The following NRG3 variants were observed in gnomAD, a reference collection of about 807,000 sequenced individuals.
NRG3 encodes the protein neuregulin 3, also known as pro-neuregulin-3, membrane-bound isoform.
A neutral mutation model predicts 66.9 loss-of-function variants in NRG3; 31 were observed. The observed-to-expected ratio is 0.46, with a 90% confidence interval of 0.35 to 0.63. The LOEUF (loss-of-function observed/expected upper bound fraction) is 0.63. NRG3 is among the 20% of genes least tolerant of loss of function. NRG3 has a pLI of 0.00. For synonymous variants in NRG3, 393 were observed against 359.4 expected, an observed-to-expected ratio of 1.09 and a Z score of -1.06; for missense variants, 910 against 878.9, an observed-to-expected ratio of 1.04 and a Z score of -0.45.
At chr10:82,102,147 T>TGTGTGTATTC (rs1382778888) in intron 1 of NRG3, among the ~76,000 whole-genome samples, 4 of 84,110 alleles carry the variant, frequency 4.8e-5, no homozygotes, top group East Asian at 2.8e-4. Flanking sequence ...TATATATATA[T>TGTGTGTATTC]ATATATATAT....
chr10:82,523,858 GTTTA>G (rs1391873540), intron 2 of NRG3, among the ~76,000 whole-genome samples: 1 of 152,050 alleles, frequency 6.6e-6, no homozygotes. Context: ...TTTAAAATAA[GTTTA>G]TTTATTTTCC....
chr10:82,022,303 A>G (rs2062099860), intron 1 of NRG3, among the ~76,000 whole-genome samples: 1 of 152,048 alleles, frequency 6.6e-6, no homozygotes. Flanking sequence ...GAGAATCCTA[A>G]TTGAGGGAAG....
At chr10:81,941,482 G>A (rs1303635160) in intron 1 of NRG3, among the ~76,000 whole-genome samples, 3 of 152,060 alleles carry the variant, frequency 2.0e-5, no homozygotes, top group Admixed American at 2.0e-4. Flanking sequence ...AATACTGTTA[G>A]CGAAAACTGT....
intron 1 of NRG3, among the ~76,000 whole-genome samples, chr10:82,075,711 A>G (rs1020445656): frequency 6.6e-6 from 1 of 151,942 alleles, no homozygotes; most frequent in Non-Finnish European, 1.5e-5. Context: ...TTCGAAGTGT[A>G]TGCTGTGTGT....
At chr10:82,366,648 CACAAT>C (rs2084544227) in intron 2 of NRG3, among the ~76,000 whole-genome samples, 1 of 151,978 alleles carries the variant, frequency 6.6e-6, no homozygotes, top group Non-Finnish European at 1.5e-5. Flanking sequence ...AATTTTGTGA[CACAAT>C]ACAATAGGCT....
chr10:82,879,090 CT>C (rs374326506), intron 4 of NRG3, among the ~76,000 whole-genome samples: 75 of 152,170 alleles, frequency 4.9e-4, no homozygotes, highest in African/African-American at 1.8e-3. Context: ...ATATTAACTT[CT>C]TTTGTTTCTC....
At chr10:82,078,215 C>A (rs771896877) in intron 1 of NRG3, among the ~76,000 whole-genome samples, 1 of 152,062 alleles carries the variant, frequency 6.6e-6, no homozygotes, top group Non-Finnish European at 1.5e-5. Flanking sequence ...TCATGGAGGA[C>A]AATGATCTAC....
At chr10:82,968,417 A>G (rs1240972117) in intron 6 of NRG3, among the ~76,000 whole-genome samples, 2 of 152,228 alleles carry the variant, frequency 1.3e-5, no homozygotes, top group South Asian at 4.1e-4. Context: ...GACCAAAATA[A>G]TACAAATAAA....
At chr10:82,438,272 A>C (rs2090248235) in intron 2 of NRG3, among the ~76,000 whole-genome samples, 1 of 152,220 alleles carries the variant, frequency 6.6e-6, no homozygotes, top group African/African-American at 2.4e-5. Context: ...CCTGCAAGGA[A>C]GCCCAGCCCA....
At chr10:82,565,661 G>T (rs1220371433) in intron 2 of NRG3, among the ~76,000 whole-genome samples, 1 of 152,054 alleles carries the variant, frequency 6.6e-6, no homozygotes, top group African/African-American at 2.4e-5. Flanking sequence ...GAGAATTTGT[G>T]ATGCACACCT....
chr10:82,096,390 C>T (rs1277825645), intron 1 of NRG3, among the ~76,000 whole-genome samples: 2 of 151,916 alleles, frequency 1.3e-5, no homozygotes, highest in Admixed American at 6.6e-5. Flanking sequence ...GCAGGAGGAT[C>T]GCTTGAACCT....
At chr10:81,890,241 AG>A (rs1454353707) in intron 1 of NRG3, among the ~76,000 whole-genome samples, 1 of 152,188 alleles carries the variant, frequency 6.6e-6, no homozygotes, top group Non-Finnish European at 1.5e-5. Context: ...GAAGGGTTTA[AG>A]CCTTTCGGCT....
intron 1 of NRG3, among the ~76,000 whole-genome samples, chr10:81,934,502 C>T (rs1424345789): frequency 6.6e-6 from 1 of 152,154 alleles, no homozygotes; most frequent in African/African-American, 2.4e-5. Flanking sequence ...GTCTCTCCTT[C>T]TCCTTGAGCT....
At chr10:82,350,500 G>A (rs1174876300) in intron 1 of NRG3, among the ~76,000 whole-genome samples, 16 of 152,204 alleles carry the variant, frequency 1.1e-4, no homozygotes. Flanking sequence ...GAGATGAACA[G>A]GAAGTGTGCC....
intron 3 of NRG3, among the ~76,000 whole-genome samples, chr10:82,767,610 G>A (rs1257314840): frequency 2.6e-5 from 4 of 151,670 alleles, no homozygotes; most frequent in African/African-American, 9.7e-5. Flanking sequence ...TGGATCTCCT[G>A]GATTGGTTTT....
At chr10:82,040,295 T>C (rs989786748) in intron 1 of NRG3, among the ~76,000 whole-genome samples, 7 of 152,056 alleles carry the variant, frequency 4.6e-5, no homozygotes, top group Non-Finnish European at 8.8e-5. Flanking sequence ...TCCATGCATA[T>C]GTATACATGT....
At chr10:82,831,102 T>TG (rs1398424753) in intron 3 of NRG3, among the ~76,000 whole-genome samples, 1 of 152,176 alleles carries the variant, frequency 6.6e-6, no homozygotes, top group African/African-American at 2.4e-5. Flanking sequence ...CATTAGAGGT[T>TG]GCTAACGTTG....
chr10:82,949,510 A>T (rs1384071180), intron 4 of NRG3, among the ~76,000 whole-genome samples: 1 of 152,124 alleles, frequency 6.6e-6, no homozygotes, highest in Non-Finnish European at 1.5e-5. Context: ...GCTATAATTG[A>T]ATAATGTTCT....
chr10:82,717,487 C>T (rs1273691167), intron 2 of NRG3, among the ~76,000 whole-genome samples: 1 of 144,228 alleles, frequency 6.9e-6, no homozygotes, highest in Non-Finnish European at 1.5e-5. Context: ...GCAAGCTCTG[C>T]CTCCCAGGTT....
Sources: gnomAD v4.1 joint callset for allele counts (sites outside exome capture counted in the v4.1 genomes callset) on GRCh38, gnomAD v4.1.1 for gene constraint, MANE v1.5 for transcripts, NCBI Gene and HGNC (gene_info 2026-07-23, HGNC 2026-07-21) for gene names.